ATG4C: variants seen among roughly 807,000 people sequenced by gnomAD.
ATG4C encodes autophagy related 4C cysteine peptidase.
In ATG4C, 56 loss-of-function variants were observed where a neutral mutation model predicts 57.6. The ratio of observed to expected loss-of-function variants is 0.97; its 90% confidence interval spans 0.78 to 1.21. The LOEUF is 1.21. Among genes scored for constraint, ATG4C ranks in the 50% most tolerant of loss-of-function variants. The pLI is 0.00. For synonymous variants in ATG4C, 157 were observed against 174.1 expected (o/e 0.90, Z 0.78); for missense variants, 595 against 529.8 (o/e 1.12, Z -1.21).
In ATG4C at chr1:62,810,038, C is replaced by T. The variant is rs1018463980; in HGVS notation, c.160+4783C>T. ...AAAAATAGAGAATATGTTTAACTTACGACCCAACATTTCTAAGACGCTTAA... is the reference window on the plus strand; with the variant it reads ...AAAAATAGAGAATATGTTTAACTTATGACCCAACATTTCTAAGACGCTTAA... On this transcript the variant is annotated intron_variant, in intron 3 of 10. Transcript: ENST00000317868. 1.2e-4 allele frequency among the ~76,000 whole-genome samples: 15 copies of T among 122,008 alleles called. No homozygotes were observed. The East Asian group carries it at 3.2e-3, about 26-fold the overall frequency. 80.0% of individuals were successfully genotyped at this position (122,008 alleles called of 152,430 possible).
chr1:62,834,698 C>T (rs144367156), intron 8 of ATG4C, 78 bp from the exon 9 acceptor site: 2 of 1,205,438 alleles, frequency 1.7e-6, no homozygotes, highest in African/African-American at 1.5e-5. Flanking sequence ...TTCAGCTGTT[C>T]TACATAGAAA....
At chr1:62,795,810 A>G (rs1429133802) in intron 1 of ATG4C, among the ~76,000 whole-genome samples, 1 of 152,038 alleles carries the variant, frequency 6.6e-6, no homozygotes, top group Non-Finnish European at 1.5e-5. Context: ...CATCCTAGGC[A>G]ACAGAGGGAG....
rs759118785 is a variant in ATG4C, at chr1:62,834,063, TG to T, written c.962del (p.Gly321ValfsTer21). 1 of 1,612,752 alleles carries T rather than the reference TG, an allele frequency of 6.2e-7. No homozygotes were observed. Among genetic ancestry groups the T allele is most frequent in the Non-Finnish European group, 8.5e-7 (1 of 1,179,264 alleles). On this transcript the variant is annotated frameshift_variant, in exon 8 of 11. Coordinates refer to ENST00000317868, the MANE Select transcript of ATG4C (RefSeq NM_032852.4). LOFTEE classifies it high-confidence loss of function. ...VKGILSLEYC[V>X]GIIGGKPKQS... ...GGTATTTTAAGCCTGGAATATTGTG[TG>T]GGTATTATTGGTGGCAAACCTAAAC...
intron 9 of ATG4C, among the ~76,000 whole-genome samples, chr1:62,837,083 G>GTTA (rs1190917362): frequency 2.6e-5 from 4 of 151,714 alleles, no homozygotes; most frequent in Admixed American, 1.3e-4. Context: ...CTAAGCCCTT[G>GTTA]AGTCCTCTGT....
chr1:62,852,067 T>A (rs1339649020), intron 10 of ATG4C, among the ~76,000 whole-genome samples: 3 of 152,250 alleles, frequency 2.0e-5, no homozygotes, highest in Non-Finnish European at 4.4e-5. Flanking sequence ...GGCAATAATT[T>A]GTATTCATTC....
In ATG4C at chr1:62,841,597, A is replaced by C. The variant is rs1345064365; in HGVS notation, c.1209+50A>C. The C allele has an allele frequency of 3.5e-6, 5 of 1,424,854 alleles. No homozygotes were observed. The East Asian group carries it at 1.3e-4, about 36-fold the overall frequency. The allele number at this position is 1,424,854 out of a possible 1,614,324, so 88.3% of individuals were successfully genotyped here. A position where few individuals can be genotyped will look rare whatever the true frequency, so the allele number is the denominator to read the frequency against. On this transcript the variant is annotated intron_variant, in intron 10 of 10. Coordinates refer to ENST00000317868, the MANE Select transcript of ATG4C (RefSeq NM_032852.4). Reference sequence around the variant, plus strand: ...TTGTAAATGACCTAATTTTATTAGAAACAGACTGTCAGAAAGCAAAAACCT... The same window carrying C: ...TTGTAAATGACCTAATTTTATTAGACACAGACTGTCAGAAAGCAAAAACCT...
At chr1:62,843,144 C>T (rs1367191593) in intron 10 of ATG4C, among the ~76,000 whole-genome samples, 1 of 150,488 alleles carries the variant, frequency 6.6e-6, no homozygotes, top group Non-Finnish European at 1.5e-5. Flanking sequence ...TTATTATTAC[C>T]AAATTAAAAA....
chr1:62,820,551 T>C (rs11208039), intron 5 of ATG4C, among the ~76,000 whole-genome samples: 20,610 of 152,100 alleles, frequency 0.14, 1,507 homozygotes, highest in Admixed American at 0.18. Flanking sequence ...TTTATAGATA[T>C]TGTTATTGTG....
intron 10 of ATG4C, among the ~76,000 whole-genome samples, chr1:62,858,496 T>C (rs1666752538): frequency 6.6e-6 from 1 of 152,120 alleles, no homozygotes; most frequent in Non-Finnish European, 1.5e-5. Context: ...TAGGTAATAT[T>C]AAGGAAGAGA....
chr1:62,847,478 G>T (rs1347885888), intron 10 of ATG4C, among the ~76,000 whole-genome samples: 1 of 152,048 alleles, frequency 6.6e-6, no homozygotes, highest in African/African-American at 2.4e-5. Context: ...AAATAGAAGA[G>T]ACATAATTTA....
intron 9 of ATG4C, among the ~76,000 whole-genome samples, chr1:62,835,184 TA>T (rs59745958): frequency 3.6e-3 from 485 of 135,378 alleles, no homozygotes; most frequent in Middle Eastern, 0.015. Flanking sequence ...AAGGCCTGTT[TA>T]AAAAAAAAAA....
intron 3 of ATG4C, 144 bp from the exon 4 acceptor site, chr1:62,816,431 A>G (rs1572123438): frequency 9.8e-6 from 6 of 610,614 alleles, no homozygotes; most frequent in East Asian, 3.1e-5. Flanking sequence ...CTTGATTTTC[A>G]TATCTTTATT....
chr1:62,821,123 C>T lies in ATG4C; in HGVS notation c.726-16C>T, dbSNP rs193285646. The T allele has an allele frequency of 5.7e-4, 903 of 1,572,052 alleles. 8 individuals are homozygous for T. In the African/African-American group the frequency reaches 0.011, roughly 19 times the overall value. On this transcript the variant is annotated splice_polypyrimidine_tract_variant and intron_variant, in intron 5 of 10. Transcript: ENST00000317868. ...AATGTTAGGATTTTGAAAGATAATG[C>T]TTGTTATTTTCTCAGAAAAGCAGTT...
chr1:62,813,886 A>G (rs998117289), intron 3 of ATG4C, among the ~76,000 whole-genome samples: 21 of 152,236 alleles, frequency 1.4e-4, no homozygotes, highest in African/African-American at 4.6e-4. Context: ...AATCAAAACC[A>G]CAATGAGATA....
At chr1:62,850,042 A>G (rs1666455054) in intron 10 of ATG4C, among the ~76,000 whole-genome samples, 1 of 152,222 alleles carries the variant, frequency 6.6e-6, no homozygotes, top group Non-Finnish European at 1.5e-5. Flanking sequence ...ACATGAGATT[A>G]AAGTTTTATC....
At chr1:62,807,821 G>A (rs1436992922) in intron 3 of ATG4C, among the ~76,000 whole-genome samples, 1 of 152,212 alleles carries the variant, frequency 6.6e-6, no homozygotes, top group Non-Finnish European at 1.5e-5. Flanking sequence ...ACCTGAGGAG[G>A]GGATAGTGGG....
chr1:62,797,499 CTT>C (rs1664513185), intron 1 of ATG4C, among the ~76,000 whole-genome samples: 1 of 151,992 alleles, frequency 6.6e-6, no homozygotes, highest in African/African-American at 2.4e-5. Flanking sequence ...AGTTTGATCT[CTT>C]GTGATGAAAA....
In ATG4C at chr1:62,792,815, G is replaced by A. The variant is rs565287916; in HGVS notation, c.-69+8542G>A. Among the ~76,000 whole-genome samples the A allele has an allele frequency of 1.6e-4, 24 of 152,182 alleles. No homozygotes were observed. The South Asian group carries it at 5.0e-3, about 32-fold the overall frequency. On this transcript the variant is annotated intron_variant, in intron 1 of 10. Transcript: ENST00000317868. ...AGGAGATCTTTTTACTGTATAGGTG[G>A]TTGAACCCAAGTAGTAGCTGGTTAT...
intron 10 of ATG4C, among the ~76,000 whole-genome samples, chr1:62,846,575 C>T (rs774867198): frequency 6.6e-6 from 1 of 152,174 alleles, no homozygotes; most frequent in Non-Finnish European, 1.5e-5. Flanking sequence ...AATTCCTGAT[C>T]TTCCTTCTGA....
Sources: allele counts gnomAD v4.1 joint callset (sites outside exome capture counted in the v4.1 genomes callset), GRCh38; gene constraint gnomAD v4.1.1; transcripts MANE v1.5; gene names NCBI Gene and HGNC (gene_info 2026-07-23, HGNC 2026-07-21).